The following DPH6 variants were observed in gnomAD, a reference collection of about 807,000 sequenced individuals.
DPH6 encodes diphthamine biosynthesis 6, also known as diphthine--ammonia ligase.
DPH6 carries 33 observed loss-of-function variants against 38.2 expected under a neutral mutation model. The observed-to-expected ratio is 0.86, with a 90% confidence interval of 0.65 to 1.15. The LOEUF is 1.15. DPH6 is among the 50% of genes most tolerant of loss of function. DPH6 has a pLI of 0.00. For missense variants in DPH6, 325 were observed against 320.0 expected, an observed-to-expected ratio of 1.02 and a Z score of -0.12; for synonymous variants, 108 against 103.0, an observed-to-expected ratio of 1.05 and a Z score of -0.30.
At chr15:35,208,069 C>T in the DPH6 span, among the ~76,000 whole-genome samples, 1 of 151,690 alleles carries the variant, frequency 6.6e-6, no homozygotes, top group Non-Finnish European at 1.5e-5. Context: ...GGATCCACAT[C>T]TGTGGATAAG....
chr15:35,441,624 TA>T (rs1260335936), intron 5 of DPH6, among the ~76,000 whole-genome samples: 1 of 152,056 alleles, frequency 6.6e-6, no homozygotes, highest in African/African-American at 2.4e-5. Context: ...AACACTTGGA[TA>T]CAGGGAGGGG....
In DPH6 at chr15:35,498,299, A is replaced by C. The variant is rs561125921; in HGVS notation, c.312+39975T>G. Among the ~76,000 whole-genome samples, 13 of 152,304 alleles carry C rather than the reference A, an allele frequency of 8.5e-5. 1 individual carries two copies. The highest frequency in any genetic ancestry group is 3.1e-4 in the African/African-American group (13 of 41,576). On this transcript the variant is annotated intron_variant, in intron 3 of 8. Transcript: ENST00000256538. ...GTATAATATTTCAGGTCCCTTGTTT[A>C]TAACAAGTCATCAGCTTATACTGGT...
intron 3 of DPH6, among the ~76,000 whole-genome samples, chr15:35,362,859 T>G (rs2052625277): frequency 6.6e-6 from 1 of 152,082 alleles, no homozygotes; most frequent in Non-Finnish European, 1.5e-5. Flanking sequence ...TTTCTAGAGT[T>G]CTCATAAAGG....
chr15:35,485,091 C>T (rs2054379766), intron 3 of DPH6, among the ~76,000 whole-genome samples: 1 of 152,026 alleles, frequency 6.6e-6, no homozygotes, highest in South Asian at 2.1e-4. Flanking sequence ...TTAATTCTTC[C>T]AACAATTCTC....
At chr15:35,420,883 C>T (rs2053496813) in intron 5 of DPH6, among the ~76,000 whole-genome samples, 5 of 152,010 alleles carry the variant, frequency 3.3e-5, no homozygotes, top group Admixed American at 2.6e-4. Flanking sequence ...AAAACAGGGG[C>T]AGGACTCAAA....
chr15:35,321,363 C>T (rs2052238928), intron 3 of DPH6, among the ~76,000 whole-genome samples: 1 of 152,138 alleles, frequency 6.6e-6, no homozygotes, highest in African/African-American at 2.4e-5. Context: ...AAGGTGGTTT[C>T]AAAAGAGGCC....
Position 35,489,433 on chromosome 15 carries a change from T to C in DPH6, c.313-34613A>G, listed in dbSNP as rs7173690. 4,176 of 984,996 alleles carry C rather than the reference T, an allele frequency of 4.2e-3. 133 individuals carry two copies. In the African/African-American group the frequency reaches 0.063, roughly 15 times the overall value. The allele number at this position is 984,996 out of a possible 1,614,324, so 61.0% of individuals were successfully genotyped here. ...ACTAGCTTAACTTTGTTTCTGTCAT[T>C]TGTAGCCCAAGACTCAATTAATATA... On this transcript the variant is annotated intron_variant, in intron 3 of 8. Transcript: ENST00000256538.
At chr15:35,397,174 G>T (rs1220856858) in intron 6 of DPH6, among the ~76,000 whole-genome samples, 1 of 152,156 alleles carries the variant, frequency 6.6e-6, no homozygotes, top group Non-Finnish European at 1.5e-5. Context: ...ATTTATCCAG[G>T]TTTAGCTCTT....
rs527760303 is a variant in DPH6, at chr15:35,522,148, A to G, written c.312+16126T>C. 2.0e-5 allele frequency: 32 copies of G among 1,613,338 alleles called. No homozygotes were observed. In the East Asian group the frequency reaches 6.9e-4, roughly 35 times the overall value. ...AAAAGGAGGAAATGTGTGTTTATCA[A>G]ACTTGCTGTGAGTGCACAGTTCATT... is the stretch of plus-strand genomic sequence containing the variant. On this transcript the variant is annotated intron_variant, in intron 3 of 8. Coordinates refer to ENST00000256538, the MANE Select transcript of DPH6 (RefSeq NM_080650.4).
At chr15:35,243,189 T>C (rs2051612100) in intron 3 of DPH6, among the ~76,000 whole-genome samples, 1 of 141,886 alleles carries the variant, frequency 7.0e-6, no homozygotes, top group African/African-American at 2.6e-5. Context: ...CAAATGTTTC[T>C]TCTAACATCC....
intron 3 of DPH6, among the ~76,000 whole-genome samples, chr15:35,306,228 G>A (rs959843886): frequency 1.3e-5 from 2 of 152,140 alleles, no homozygotes; most frequent in South Asian, 2.1e-4. Context: ...ATCTTTGGAA[G>A]TGAGCTTAAA....
At chr15:35,181,558 T>A in the DPH6 span, among the ~76,000 whole-genome samples, 1 of 152,174 alleles carries the variant, frequency 6.6e-6, no homozygotes, top group East Asian at 1.9e-4. Context: ...GAGATTATGA[T>A]TGACATCAGG....
intron 5 of DPH6, among the ~76,000 whole-genome samples, chr15:35,444,980 G>T (rs1003001729): frequency 6.6e-6 from 1 of 152,124 alleles, no homozygotes. Flanking sequence ...AGTAAAATTT[G>T]TACAATTTAG....
chr15:35,172,992 C>G, the DPH6 span, among the ~76,000 whole-genome samples: 2 of 152,136 alleles, frequency 1.3e-5, no homozygotes, highest in Admixed American at 6.6e-5. Flanking sequence ...AAAAAAAATA[C>G]TTTTATATTA....
chr15:35,153,258 A>C, the DPH6 span, among the ~76,000 whole-genome samples: 2 of 152,238 alleles, frequency 1.3e-5, no homozygotes, highest in African/African-American at 4.8e-5. Context: ...TCTGGCATAC[A>C]GAAAAAAACC....
the DPH6 span, among the ~76,000 whole-genome samples, chr15:35,207,932 T>A: frequency 6.6e-6 from 1 of 152,206 alleles, no homozygotes; most frequent in African/African-American, 2.4e-5. Flanking sequence ...AAGATGAGTA[T>A]AGTTGGCATG....
the DPH6 span, among the ~76,000 whole-genome samples, chr15:35,168,332 T>G: frequency 6.6e-6 from 1 of 152,084 alleles, no homozygotes; most frequent in Non-Finnish European, 1.5e-5. Context: ...AGAGAATATC[T>G]TAATCATAAA....
At chr15:35,294,940 T>C (rs772221748) in intron 3 of DPH6, among the ~76,000 whole-genome samples, 5 of 152,040 alleles carry the variant, frequency 3.3e-5, no homozygotes, top group Non-Finnish European at 7.4e-5. Flanking sequence ...GCATGGTGAG[T>C]TCACGGGGCT....
chr15:35,264,292 T>C (rs1371026697), intron 3 of DPH6, among the ~76,000 whole-genome samples: 1 of 152,168 alleles, frequency 6.6e-6, no homozygotes, highest in African/African-American at 2.4e-5. Flanking sequence ...CTGACATTTA[T>C]TTCACCTAAA....
Sources: allele counts gnomAD v4.1 joint callset (sites outside exome capture counted in the v4.1 genomes callset), GRCh38; gene constraint gnomAD v4.1.1; transcripts MANE v1.5; gene names NCBI Gene and HGNC (gene_info 2026-07-23, HGNC 2026-07-21).